PALMD: variants seen among roughly 807,000 people sequenced by gnomAD.
PALMD encodes palmdelphin.
PALMD carries 42 observed loss-of-function variants against 56.2 expected under a neutral mutation model. The ratio of observed to expected loss-of-function variants is 0.75; its 90% CI spans 0.58 to 0.97. PALMD has a LOEUF of 0.97. Among genes scored for constraint, PALMD ranks in the 50% least tolerant of loss-of-function variants. The probability of loss-of-function intolerance (pLI) is 0.00; values close to 1 mark genes in which losing one functional copy is unlikely to be tolerated. For synonymous variants in PALMD, 242 were observed against 222.9 expected (o/e 1.09, Z -0.76); for missense variants, 660 against 643.8 (o/e 1.03, Z -0.27).
At chr1:99,687,333 G>T in intron 6 of PALMD, 144 bp downstream of exon 6, 1 of 801,632 alleles carries the variant, frequency 1.2e-6, no homozygotes, top group Non-Finnish European at 1.9e-6. Context: ...GTGAGTCACC[G>T]CATAGGTGAG....
chr1:99,680,851 C>T lies in PALMD; in HGVS notation c.252-5825C>T, dbSNP rs1557673007. On this transcript the variant is annotated intron_variant, in intron 3 of 7. Coordinates refer to ENST00000263174, the MANE Select transcript of PALMD (RefSeq NM_017734.5). ...ATGTGTATATGTGTGTATATATATG[C>T]ATATATATATATATTGCCTTCTGGA... Among the ~76,000 whole-genome samples the T allele has an allele frequency of 3.3e-5, 5 of 150,428 alleles. No individual in the cohort carries two copies. The South Asian group carries it at 1.0e-3, about 32-fold the overall frequency.
intron 1 of PALMD, among the ~76,000 whole-genome samples, chr1:99,655,017 T>C (rs1171973987): frequency 6.6e-6 from 1 of 152,196 alleles, no homozygotes; most frequent in Non-Finnish European, 1.5e-5. Flanking sequence ...GTAAATGATC[T>C]AAACTATGCA....
Position 99,689,455 on chromosome 1 carries a change from A to G in PALMD, c.1195A>G (p.Ile399Val), listed in dbSNP as rs905321830. Residue 399 changes from isoleucine (I) to valine (V), a missense_variant, in exon 7 of 8, where the codon ATC (isoleucine) becomes GTC (valine). Physicochemically the swap from Ile to Val is conservative, Grantham distance 29. Transcript: ENST00000263174. ...QEDEEDVRYN[I>V]VHSLPPDIND... is the part of the protein sequence containing the mutation. ...GGACGAGGAAGATGTCAGATATAAT[A>G]TCGTTCATTCCCTGCCTCCAGACAT... is the stretch of plus-strand genomic sequence containing the variant. The G allele has an allele frequency of 6.2e-7, 1 of 1,613,574 alleles. No individual in the cohort carries two copies. The highest frequency in any genetic ancestry group is 1.3e-5 in the African/African-American group (1 of 74,878).
chr1:99,674,678 C>T (rs2100866410), intron 3 of PALMD, among the ~76,000 whole-genome samples: 2 of 152,178 alleles, frequency 1.3e-5, no homozygotes, highest in South Asian at 2.1e-4. Flanking sequence ...CATTTATTAT[C>T]TCACTTCAAA....
rs955849047 is a variant in PALMD, at chr1:99,690,115, C to T, written c.1612+243C>T. On this transcript the variant is annotated intron_variant, in intron 7 of 7. Coordinates refer to ENST00000263174, the MANE Select transcript of PALMD (RefSeq NM_017734.5). ...ATATTGTATTGAGGAACTTTAATAA[C>T]TTGAATTTCATCTTCTATCATGGTA... is the stretch of plus-strand genomic sequence containing the variant. 1.7e-5 allele frequency: 8 copies of T among 471,266 alleles called. No homozygotes were observed. In the Admixed American group the frequency reaches 2.7e-4, roughly 16 times the overall value. The allele number at this position is 471,266 out of a possible 1,614,324, so 29.2% of individuals were successfully genotyped here.
At chr1:99,650,687 T>G (rs1652560997) in intron 1 of PALMD, among the ~76,000 whole-genome samples, 1 of 152,102 alleles carries the variant, frequency 6.6e-6, no homozygotes, top group Non-Finnish European at 1.5e-5. Context: ...GTTCAAAAAA[T>G]ATTCAAAATG....
intron 1 of PALMD, among the ~76,000 whole-genome samples, chr1:99,657,874 A>C (rs1652761084): frequency 6.6e-6 from 1 of 152,124 alleles, no homozygotes; most frequent in South Asian, 2.1e-4. Context: ...TAACTACCCA[A>C]AATATTCCAC....
At chr1:99,683,875 A>T (rs928540415) in intron 3 of PALMD, 1 of 152,032 alleles carries the variant, frequency 6.6e-6, no homozygotes, top group Middle Eastern at 3.4e-3. Flanking sequence ...TTACTCTTCC[A>T]TCTCTCTGGA....
In PALMD at chr1:99,689,207, A is replaced by G; in HGVS notation, c.947A>G (p.Asn316Ser). 1 of 1,613,604 alleles carries G rather than the reference A, an allele frequency of 6.2e-7. No individual in the cohort carries two copies. ...GGTCTTTCAGAGGAAAGGGGAAACA[A>G]CTTCAATCACATCAGTCCCATTCCG... is the stretch of plus-strand genomic sequence containing the variant. Reference protein sequence around the residue: ...GNGLSEERGNNFNHISPIPPV... With the variant: ...GNGLSEERGNSFNHISPIPPV... The change falls in exon 7 of 8, where the codon AAC (asparagine) becomes AGC (serine). Residue 316 changes from asparagine to serine, a missense_variant. Coordinates refer to ENST00000263174, the MANE Select transcript of PALMD (RefSeq NM_017734.5).
rs756543291 is a variant in PALMD, at chr1:99,689,892, A to G, written c.1612+20A>G. ...TAACAGGTAATAAAAATGACAAGGC[A>G]TGCCACTGCTGTTCAGTCATGTGAC... On this transcript the variant is annotated intron_variant, in intron 7 of 7. Coordinates refer to ENST00000263174, the MANE Select transcript of PALMD (RefSeq NM_017734.5). The G allele has an allele frequency of 6.4e-7, 1 of 1,571,226 alleles. No homozygotes were observed. The highest frequency in any genetic ancestry group is 8.6e-7 in the Non-Finnish European group (1 of 1,165,618).
At chr1:99,677,457 G>T (rs1006828459) in intron 3 of PALMD, among the ~76,000 whole-genome samples, 8 of 151,992 alleles carry the variant, frequency 5.3e-5, no homozygotes, top group Non-Finnish European at 1.0e-4. Context: ...GTTACATGAG[G>T]TTATCTAGAG....
intron 3 of PALMD, among the ~76,000 whole-genome samples, chr1:99,677,902 A>G (rs1981193): frequency 0.6 from 91,008 of 151,942 alleles, 27,488 homozygotes; most frequent in Non-Finnish European, 0.64. Context: ...AACTCTTCCA[A>G]TCATGCTGGA....
Position 99,679,251 on chromosome 1 carries a change from C to A in PALMD, c.252-7425C>A, listed in dbSNP as rs144004772. ...ATTTCATACCTAGCATTGGTAGTTA[C>A]ATTGAAACTGCAGTAATACAATCAA... On this transcript the variant is annotated intron_variant, in intron 3 of 7. Coordinates refer to ENST00000263174, the MANE Select transcript of PALMD (RefSeq NM_017734.5). Among the ~76,000 whole-genome samples, 149 of 152,274 alleles carry A rather than the reference C, an allele frequency of 9.8e-4. 1 individual carries two copies. The highest frequency in any genetic ancestry group is 6.8e-3 in the Middle Eastern group (2 of 294).
chr1:99,647,204 T>A (rs972944640), intron 1 of PALMD, among the ~76,000 whole-genome samples: 6 of 152,204 alleles, frequency 3.9e-5, no homozygotes, highest in Non-Finnish European at 8.8e-5. Flanking sequence ...TTGATGTAAT[T>A]GTTTTAAGAA....
chr1:99,686,231 A>C (rs1298971936), intron 3 of PALMD: 2 of 152,340 alleles, frequency 1.3e-5, no homozygotes, highest in Non-Finnish European at 2.9e-5. Flanking sequence ...TTATTAAATC[A>C]GTTTAATAAT....
intron 2 of PALMD, 33 bp from the exon 3 acceptor site, chr1:99,667,609 A>G: frequency 6.3e-7 from 1 of 1,595,858 alleles, no homozygotes. Context: ...ATTGACCAAT[A>G]TAAGAACATA....
chr1:99,674,264 T>C (rs1179306823), intron 3 of PALMD, among the ~76,000 whole-genome samples: 1 of 152,114 alleles, frequency 6.6e-6, no homozygotes, highest in Non-Finnish European at 1.5e-5. Flanking sequence ...GCCCCCACCA[T>C]GATAAGCTGA....
At chr1:99,663,959 T>C (rs1424138408) in intron 2 of PALMD, among the ~76,000 whole-genome samples, 1 of 152,178 alleles carries the variant, frequency 6.6e-6, no homozygotes, top group Non-Finnish European at 1.5e-5. Context: ...ACATTTATCA[T>C]GTTTTGGACT....
At chr1:99,665,676 T>G (rs1652945488) in intron 2 of PALMD, among the ~76,000 whole-genome samples, 1 of 152,166 alleles carries the variant, frequency 6.6e-6, no homozygotes, top group Non-Finnish European at 1.5e-5. Context: ...TAGCTATGTG[T>G]GTCATTGGCT....
Sources: allele counts gnomAD v4.1 joint callset (sites outside exome capture counted in the v4.1 genomes callset), GRCh38; gene constraint gnomAD v4.1.1; transcripts MANE v1.5; gene names NCBI Gene and HGNC (gene_info 2026-07-23, HGNC 2026-07-21).